RIDA: variants seen among roughly 807,000 people sequenced by gnomAD.
RIDA encodes the protein reactive intermediate imine deaminase A, also known as 2-iminobutanoate/2-iminopropanoate deaminase.
Under a neutral mutation model 17.8 loss-of-function variants are expected in RIDA, and 17 were observed. That is an observed-to-expected ratio of 0.96 (90% CI 0.65 to 1.43). The LOEUF (loss-of-function observed/expected upper bound fraction) is 1.43, where lower values mean the gene tolerates loss of function less well. Among genes scored for constraint, RIDA ranks in the 40% most tolerant of loss-of-function variants. The pLI, the probability that RIDA is intolerant of heterozygous loss-of-function variation, is 0.00. For synonymous variants in RIDA, 48 were observed against 55.7 expected (o/e 0.86, Z 0.62); for missense variants, 158 against 161.7 (o/e 0.98, Z 0.12).
At chr8:98,116,102 CTTAATAA>C (rs1449576535) in intron 1 of RIDA, among the ~76,000 whole-genome samples, 6 of 152,242 alleles carry the variant, frequency 3.9e-5, no homozygotes, top group Non-Finnish European at 8.8e-5. Context: ...TGTTGAAATC[CTTAATAA>C]ATTAATTTAA....
At chr8:98,108,809 T>C in intron 1 of RIDA, 58 bp from the exon 2 acceptor site, 1 of 983,338 alleles carries the variant, frequency 1.0e-6, no homozygotes, top group Non-Finnish European at 1.5e-6. Context: ...AATTCAATGC[T>C]AGAAGACTTT....
chr8:98,112,898 GGA>G (rs1815747562), intron 1 of RIDA, among the ~76,000 whole-genome samples: 1 of 152,164 alleles, frequency 6.6e-6, no homozygotes, highest in African/African-American at 2.4e-5. Flanking sequence ...AGCAAGCACT[GGA>G]GCTGAGACCA....
At chr8:98,105,163 T>C (rs1428151739) in intron 4 of RIDA, among the ~76,000 whole-genome samples, 2 of 151,248 alleles carry the variant, frequency 1.3e-5, no homozygotes, top group Non-Finnish European at 2.9e-5. Context: ...TACCCTAACA[T>C]TTTGATCTTG....
chr8:98,103,764 G>C (rs1450578237), intron 5 of RIDA, among the ~76,000 whole-genome samples: 1 of 151,800 alleles, frequency 6.6e-6, no homozygotes, highest in Non-Finnish European at 1.5e-5. Flanking sequence ...AGCCTCCCGA[G>C]TAGCTGGGAC....
At chr8:98,112,361 C>G (rs1331754089) in intron 1 of RIDA, among the ~76,000 whole-genome samples, 1 of 152,178 alleles carries the variant, frequency 6.6e-6, no homozygotes, top group Non-Finnish European at 1.5e-5. Flanking sequence ...GTATCTTAGA[C>G]TCTAAACTCC....
At chr8:98,108,064 C>A (rs1354370352) in intron 2 of RIDA, among the ~76,000 whole-genome samples, 4 of 150,200 alleles carry the variant, frequency 2.7e-5, no homozygotes, top group Non-Finnish European at 4.4e-5. Context: ...GCCATTGTGC[C>A]TGGCCTCCCC....
In RIDA at chr8:98,106,026, T is replaced by A; in HGVS notation, c.227-20A>T. 6.4e-7 allele frequency: 1 copy of A among 1,554,570 alleles called. No individual in the cohort carries two copies. Among genetic ancestry groups the A allele is most frequent in the Middle Eastern group, 1.7e-4 (1 of 5,922 alleles). On this transcript the variant is annotated intron_variant, in intron 3 of 5. Coordinates refer to ENST00000254878, the MANE Select transcript of RIDA (RefSeq NM_005836.3). ...TCACCACTAGAAGATATAAACATTG[T>A]CATTAGGTTTAGTTATTTGGTCTGA...
Position 98,117,118 on chromosome 8 carries a change from G to A in RIDA, c.-22C>T. ...ACATGGCTAAGCCTTCCCTCTTGCAGCCCCTTCAGGAGAAGAAGCCCCAGC... is the reference window on the plus strand; with the variant it reads ...ACATGGCTAAGCCTTCCCTCTTGCAACCCCTTCAGGAGAAGAAGCCCCAGC... On this transcript the variant is annotated 5_prime_UTR_variant, in exon 1 of 6. Transcript: ENST00000254878. The A allele has an allele frequency of 6.2e-7, 1 of 1,612,456 alleles. No homozygotes were observed. The highest frequency in any genetic ancestry group is 8.5e-7 in the Non-Finnish European group (1 of 1,178,430).
At chr8:98,108,861 C>T in intron 1 of RIDA, 110 bp from the exon 2 acceptor site, 3 of 579,624 alleles carry the variant, frequency 5.2e-6, no homozygotes, top group Non-Finnish European at 9.1e-6. Context: ...AAAAAAAAAA[C>T]AGATACATTG....
intron 1 of RIDA, among the ~76,000 whole-genome samples, chr8:98,110,918 T>G (rs934189820): frequency 3.3e-5 from 5 of 152,176 alleles, no homozygotes; most frequent in African/African-American, 4.8e-5. Flanking sequence ...CTCCTACACA[T>G]GTACACTCTC....
chr8:98,103,884 C>T (rs909583781), intron 5 of RIDA, among the ~76,000 whole-genome samples: 3 of 152,106 alleles, frequency 2.0e-5, no homozygotes, highest in Admixed American at 6.6e-5. Context: ...GTGATCCGCC[C>T]GCCTCGGCCT....
At position 98,105,993 on chromosome 8, in the gene RIDA, A is replaced by G. The variant is rs745704981; in HGVS notation, c.240T>C (p.Thr80=). 6.2e-7 allele frequency: 1 copy of G among 1,605,280 alleles called. No individual in the cohort carries two copies. The highest frequency in any genetic ancestry group is 1.7e-5 in the Admixed American group (1 of 60,004). Residue 80 remains threonine (T), a synonymous_variant, in exon 4 of 6, where the codon ACT becomes ACC. Transcript: ENST00000254878. The stretch of plus-strand genomic sequence containing the variant: ...AGTCATTTATGTCAGCCAGAAGAAC[A>G]GTTGTTTTCACCACTAGAAGATATA... ...GCDFTNVVKT[T]VLLADINDFN...
At chr8:98,114,108 G>A (rs1313096244) in intron 1 of RIDA, among the ~76,000 whole-genome samples, 2 of 152,130 alleles carry the variant, frequency 1.3e-5, no homozygotes, top group African/African-American at 2.4e-5. Context: ...GTGGGAGGAT[G>A]GCTTGAGCCC....
chr8:98,106,582 A>T (rs749368765), intron 2 of RIDA: 50 of 393,904 alleles, frequency 1.3e-4, no homozygotes, highest in Non-Finnish European at 2.2e-4. Context: ...AAATGTGTTA[A>T]TTGTTCAGCC....
intron 1 of RIDA, 56 bp from the exon 2 acceptor site, chr8:98,108,807 G>T: frequency 9.1e-7 from 1 of 1,100,902 alleles, no homozygotes; most frequent in Non-Finnish European, 1.4e-6. Flanking sequence ...AAAATTCAAT[G>T]CTAGAAGACT....
chr8:98,110,622 C>G (rs895851862), intron 1 of RIDA, among the ~76,000 whole-genome samples: 7 of 152,140 alleles, frequency 4.6e-5, no homozygotes, highest in African/African-American at 1.7e-4. Flanking sequence ...CAAAAAAATG[C>G]AATTTCAAGA....
chr8:98,107,594 G>A (rs774635529), intron 2 of RIDA, among the ~76,000 whole-genome samples: 19 of 152,046 alleles, frequency 1.2e-4, no homozygotes, highest in Non-Finnish European at 1.9e-4. Flanking sequence ...ATAGTTTATT[G>A]TTTTATTTTA....
chr8:98,103,600 A>G (rs28626128), intron 5 of RIDA, among the ~76,000 whole-genome samples: 2,863 of 152,190 alleles, frequency 0.019, 92 homozygotes, highest in African/African-American at 0.065. Context: ...TCCCCTAAGT[A>G]ACACTACAAC....
intron 1 of RIDA, among the ~76,000 whole-genome samples, chr8:98,111,151 G>C (rs540522567): frequency 6.6e-6 from 1 of 152,070 alleles, no homozygotes; most frequent in Non-Finnish European, 1.5e-5. Flanking sequence ...CTAAATTTCA[G>C]AAGTAGGATA....
Sources: allele counts gnomAD v4.1 joint callset (sites outside exome capture counted in the v4.1 genomes callset), GRCh38; gene constraint gnomAD v4.1.1; transcripts MANE v1.5; gene names NCBI Gene and HGNC (gene_info 2026-07-23, HGNC 2026-07-21).